Variants in TBC1D1 observed in about 807,000 individuals in gnomAD.
TBC1D1 encodes TBC1 domain family member 1.
A neutral mutation model predicts 125.6 loss-of-function variants in TBC1D1; 89 were observed. The observed-to-expected ratio is 0.71, with a 90% CI of 0.60 to 0.85. The LOEUF is 0.85. TBC1D1 is among the 40% of genes least tolerant of loss of function. The pLI is 0.00. For missense variants in TBC1D1, 1,377 were observed against 1,469.2 expected (o/e 0.94, Z 1.03); for synonymous variants, 565 against 564.1 (o/e 1.00, Z -0.02).
At chr4:38,085,475 A>G (rs1223240909) in intron 12 of TBC1D1, among the ~76,000 whole-genome samples, 1 of 152,254 alleles carries the variant, frequency 6.6e-6, no homozygotes, top group East Asian at 1.9e-4. Context: ...ACAGTTGGGC[A>G]GTCGGCGGTG....
In TBC1D1 at chr4:37,977,247, C is replaced by T. The variant is rs2152355379; in HGVS notation, c.418-37262C>T. The T allele has an allele frequency of 6.8e-6, 1 of 147,002 alleles. No individual in the cohort carries two copies. Among genetic ancestry groups the T allele is most frequent in the South Asian group, 2.2e-4 (1 of 4,552 alleles). 9.1% of individuals were successfully genotyped at this position (147,002 alleles called of 1,614,324 possible). A position where few individuals can be genotyped will look rare whatever the true frequency, so the allele number is the denominator to read the frequency against. ...GCTGCGCGCCCTCCCCTCCTCTCCC[C>T]TCCTCCCCCCGCCCACCCCCTCCCC... On this transcript the variant is annotated intron_variant, in intron 2 of 19. Transcript: ENST00000261439. This position sits in a 1 kb window ranked among gnomAD's most constrained non-coding sequence, Gnocchi z 4.3.
chr4:38,077,975 G>T (rs1755888841), intron 12 of TBC1D1, among the ~76,000 whole-genome samples: 1 of 152,262 alleles, frequency 6.6e-6, no homozygotes, highest in East Asian at 1.9e-4. Context: ...GAGGAAGCGG[G>T]ATGAAAGCAG....
chr4:38,106,306 A>T (rs1246713970), intron 15 of TBC1D1, among the ~76,000 whole-genome samples: 1 of 152,186 alleles, frequency 6.6e-6, no homozygotes, highest in Admixed American at 6.5e-5. Context: ...CATGGTCACA[A>T]AGTCACCTGA....
chr4:38,030,016 C>A (rs995102119), intron 7 of TBC1D1, among the ~76,000 whole-genome samples: 2 of 152,210 alleles, frequency 1.3e-5, no homozygotes, highest in Non-Finnish European at 2.9e-5. Context: ...TCATCTAATG[C>A]TGGCCCACTT....
intron 17 of TBC1D1, among the ~76,000 whole-genome samples, chr4:38,124,316 C>T (rs1378835580): frequency 6.6e-6 from 1 of 152,194 alleles, no homozygotes; most frequent in Non-Finnish European, 1.5e-5. Context: ...CCCTCTTATT[C>T]TGCAGTCTGT....
chr4:38,129,392 G>A (rs1239870799), intron 18 of TBC1D1, among the ~76,000 whole-genome samples: 2 of 152,194 alleles, frequency 1.3e-5, no homozygotes, highest in Non-Finnish European at 2.9e-5. Context: ...GGGGCGTGGC[G>A]GGGAGAAGTG....
At chr4:38,020,790 A>G in intron 5 of TBC1D1, 95 bp downstream of exon 5, 4 of 964,468 alleles carry the variant, frequency 4.1e-6, no homozygotes, top group South Asian at 1.4e-5. Context: ...CCAGATGGTC[A>G]TTGACATATC....
chr4:37,928,140 T>C (rs568067096), intron 2 of TBC1D1, among the ~76,000 whole-genome samples: 31 of 152,292 alleles, frequency 2.0e-4, no homozygotes, highest in African/African-American at 7.5e-4. Context: ...AAGGATTCAA[T>C]GAGTTAAGAT....
intron 2 of TBC1D1, among the ~76,000 whole-genome samples, chr4:37,961,743 T>G (rs181596299): frequency 2.0e-5 from 3 of 152,330 alleles, no homozygotes; most frequent in Admixed American, 2.0e-4. Context: ...GTTATGTCTC[T>G]GAACATGTTA....
At position 38,043,317 on chromosome 4, in the gene TBC1D1, G is replaced by A. The variant is rs114384373; in HGVS notation, c.1414-1045G>A. Among the ~76,000 whole-genome samples, 3 of 151,866 alleles carry A rather than the reference G, an allele frequency of 2.0e-5. No individual in the cohort carries two copies. In the East Asian group the frequency reaches 5.8e-4, roughly 29 times the overall value. On this transcript the variant is annotated intron_variant, in intron 8 of 19. Coordinates refer to ENST00000261439, the MANE Select transcript of TBC1D1 (RefSeq NM_015173.4). ...ATATTAAAAAAAAAATGTACCTTCGGCTGGGTGTGGTAGCTCACTCCTGTA... is the reference window on the plus strand; with the variant it reads ...ATATTAAAAAAAAAATGTACCTTCGACTGGGTGTGGTAGCTCACTCCTGTA...
At chr4:37,919,970 G>A (rs1171434700) in intron 2 of TBC1D1, among the ~76,000 whole-genome samples, 7 of 152,060 alleles carry the variant, frequency 4.6e-5, no homozygotes, top group African/African-American at 1.4e-4. Flanking sequence ...AAAATGAGCC[G>A]GGCGTGGTGG....
intron 10 of TBC1D1, 67 bp downstream of exon 10, chr4:38,045,970 C>A: frequency 7.5e-7 from 1 of 1,337,560 alleles, no homozygotes; most frequent in Non-Finnish European, 1.1e-6. Context: ...CATCTCCTGT[C>A]TACATACCTC....
intron 1 of TBC1D1, among the ~76,000 whole-genome samples, chr4:37,893,347 T>G (rs149019765): frequency 8.3e-4 from 127 of 152,308 alleles, no homozygotes; most frequent in African/African-American, 3.0e-3. Context: ...CACGGCCCAT[T>G]TGGGGACTTC....
intron 12 of TBC1D1, among the ~76,000 whole-genome samples, chr4:38,063,667 C>T (rs140678761): frequency 0.044 from 6,620 of 151,068 alleles, 192 homozygotes; most frequent in South Asian, 0.083. Flanking sequence ...ATTGCTCTGT[C>T]GCCCAGGCTG....
chr4:38,006,892 G>A, intron 2 of TBC1D1: 1 of 484,102 alleles, frequency 2.1e-6, no homozygotes, highest in Non-Finnish European at 4.1e-6. Flanking sequence ...GCTCATCTCT[G>A]CAGAATCCAA....
intron 17 of TBC1D1, among the ~76,000 whole-genome samples, chr4:38,119,627 T>C (rs1030620793): frequency 1.3e-5 from 2 of 152,146 alleles, no homozygotes; most frequent in Non-Finnish European, 2.9e-5. Flanking sequence ...TTCTTGCCAA[T>C]AACTTCTATG....
chr4:37,987,494 T>C (rs1735700533), intron 2 of TBC1D1, among the ~76,000 whole-genome samples: 1 of 152,374 alleles, frequency 6.6e-6, no homozygotes, highest in African/African-American at 2.4e-5. Flanking sequence ...GAAAAATATC[T>C]TGTTCCACTG....
chr4:38,006,693 A>G lies in TBC1D1; in HGVS notation c.418-7816A>G, dbSNP rs186324445. On this transcript the variant is annotated intron_variant, in intron 2 of 19. Coordinates refer to ENST00000261439, the MANE Select transcript of TBC1D1 (RefSeq NM_015173.4). ...ATGGGGTTTCACCATGTTAGCCAGG[A>G]TGGGCTCAATCTCCTGACCTTGTGA... 8.4e-3 allele frequency: 2,498 copies of G among 297,438 alleles called. 20 individuals carry two copies. Among genetic ancestry groups the G allele is most frequent in the South Asian group, 0.02 (584 of 29,912 alleles). 18.4% of individuals were successfully genotyped at this position (297,438 alleles called of 1,614,324 possible).
chr4:37,943,119 T>A (rs1430280157), intron 2 of TBC1D1, among the ~76,000 whole-genome samples: 2 of 152,222 alleles, frequency 1.3e-5, no homozygotes, highest in African/African-American at 2.4e-5. Context: ...GGATATGAAA[T>A]TCTGGGTTGA....
Sources: gnomAD v4.1 joint callset for allele counts (sites outside exome capture counted in the v4.1 genomes callset) on GRCh38, gnomAD v4.1.1 for gene constraint, Gnocchi (gnomAD v3.1) non-coding constraint, MANE v1.5 for transcripts, NCBI Gene and HGNC (gene_info 2026-07-23, HGNC 2026-07-21) for gene names.